The following DDX10 variants were observed in gnomAD, a reference collection of about 807,000 sequenced individuals.
DDX10 encodes probable ATP-dependent RNA helicase DDX10.
A neutral mutation model predicts 104.3 loss-of-function variants in DDX10; 74 were observed. That is an observed-to-expected ratio of 0.71 (90% CI 0.59 to 0.86). DDX10 has a LOEUF of 0.86. DDX10 is among the 40% of genes least tolerant of loss of function. DDX10 has a pLI of 0.00. For missense variants in DDX10, 952 were observed against 1,040.0 expected, an observed-to-expected ratio of 0.92 and a Z score of 1.16; for synonymous variants, 351 against 353.4, an observed-to-expected ratio of 0.99 and a Z score of 0.08.
intron 16 of DDX10, among the ~76,000 whole-genome samples, chr11:108,912,240 G>C (rs1863689906): frequency 6.6e-6 from 1 of 151,928 alleles, no homozygotes; most frequent in South Asian, 2.1e-4. Flanking sequence ...TTCTTTTAAG[G>C]GTGCTAATTC....
At chr11:108,764,530 A>G (rs987903433) in intron 13 of DDX10, among the ~76,000 whole-genome samples, 4 of 152,128 alleles carry the variant, frequency 2.6e-5, no homozygotes, top group African/African-American at 9.7e-5. Flanking sequence ...TTAGTTGAGT[A>G]TGGTGGCGGA....
chr11:108,774,559 T>A (rs1018079059), intron 13 of DDX10, among the ~76,000 whole-genome samples: 2 of 152,194 alleles, frequency 1.3e-5, no homozygotes, highest in Non-Finnish European at 2.9e-5. Context: ...ATTGTTTTTT[T>A]TTCCTTGCAA....
chr11:108,837,452 C>T (rs1026495723), intron 13 of DDX10, among the ~76,000 whole-genome samples: 3 of 152,158 alleles, frequency 2.0e-5, no homozygotes, highest in Middle Eastern at 6.8e-3. Context: ...CCTCTTCCAA[C>T]CCCCTATCTC....
intron 10 of DDX10, among the ~76,000 whole-genome samples, chr11:108,712,803 A>T (rs1450987744): frequency 3.3e-5 from 5 of 149,492 alleles, no homozygotes; most frequent in African/African-American, 1.0e-4. Context: ...TTTCTCACTT[A>T]CGTTTTTTTT....
chr11:108,795,518 G>A (rs564119482), intron 13 of DDX10, among the ~76,000 whole-genome samples: 1,265 of 104,164 alleles, frequency 0.012, 18 homozygotes, highest in African/African-American at 0.047. Flanking sequence ...CAGGCCCCAG[G>A]GTGTGATGTT....
intron 13 of DDX10, among the ~76,000 whole-genome samples, chr11:108,736,989 A>G (rs2094319228): frequency 6.6e-6 from 1 of 152,290 alleles, no homozygotes; most frequent in South Asian, 2.1e-4. Flanking sequence ...GTGTAGTAAG[A>G]TGAATGTCTT....
intron 2 of DDX10, 111 bp from the exon 3 acceptor site, chr11:108,675,485 A>G (rs2094223290): frequency 1.7e-6 from 2 of 1,155,340 alleles, no homozygotes; most frequent in Admixed American, 2.3e-5. Context: ...GTTCTGAGGT[A>G]CGAGGCATTA....
intron 1 of DDX10, among the ~76,000 whole-genome samples, chr11:108,671,797 C>T (rs551279451): frequency 2.0e-4 from 31 of 152,120 alleles, no homozygotes; most frequent in African/African-American, 5.8e-4. Flanking sequence ...AAGAATATGG[C>T]GCCTGTAATC....
intron 10 of DDX10, among the ~76,000 whole-genome samples, chr11:108,709,849 G>A (rs1417369633): frequency 1.3e-5 from 2 of 151,808 alleles, no homozygotes; most frequent in African/African-American, 2.4e-5. Flanking sequence ...TTCCCAAGTT[G>A]GAACTGTAGA....
At chr11:108,785,782 A>G (rs1303253237) in intron 13 of DDX10, among the ~76,000 whole-genome samples, 1 of 151,912 alleles carries the variant, frequency 6.6e-6, no homozygotes, top group African/African-American at 2.4e-5. Context: ...TATCTTTGTC[A>G]CTTCCGATTG....
At chr11:108,872,672 A>G (rs1313877231) in intron 16 of DDX10, among the ~76,000 whole-genome samples, 1 of 152,214 alleles carries the variant, frequency 6.6e-6, no homozygotes, top group Non-Finnish European at 1.5e-5. Context: ...TGTTTCTTTT[A>G]GAAGAGTTTG....
intron 13 of DDX10, among the ~76,000 whole-genome samples, chr11:108,759,239 T>C (rs574808355): frequency 5.3e-5 from 8 of 152,246 alleles, no homozygotes; most frequent in Admixed American, 5.2e-4. Flanking sequence ...CATAAAACTT[T>C]GCTTAAGTTT....
intron 17 of DDX10, among the ~76,000 whole-genome samples, chr11:108,936,895 G>T (rs1367510630): frequency 6.6e-6 from 1 of 152,156 alleles, no homozygotes; most frequent in Non-Finnish European, 1.5e-5. Flanking sequence ...GAAAGATTGT[G>T]CCCATTCACT....
chr11:108,855,545 C>T (rs369929281), intron 16 of DDX10, among the ~76,000 whole-genome samples: 59 of 152,260 alleles, frequency 3.9e-4, no homozygotes, highest in African/African-American at 1.3e-3. Flanking sequence ...CTGCAACCTC[C>T]GCCTCCCAGG....
rs569722614 is a variant in DDX10 at position 108,793,206 on chromosome 11, T to C, written c.1966-45240T>C. On this transcript the variant is annotated intron_variant, in intron 13 of 17. Coordinates refer to ENST00000322536, the MANE Select transcript of DDX10 (RefSeq NM_004398.4). ...TCTCAGGTGACACTCCACTGATATG[T>C]GCACAGAACCTGGGAGTGCAAAATG... 5.9e-5 allele frequency among the ~76,000 whole-genome samples: 9 copies of C among 152,290 alleles called. No homozygotes were observed. The East Asian group carries it at 1.7e-3, about 29-fold the overall frequency.
intron 16 of DDX10, among the ~76,000 whole-genome samples, chr11:108,872,030 G>T (rs1863089368): frequency 6.6e-6 from 1 of 152,174 alleles, no homozygotes; most frequent in Non-Finnish European, 1.5e-5. Context: ...ACAAATGATT[G>T]CATTGCTAGT....
chr11:108,924,332 A>T (rs1358361711), intron 17 of DDX10, among the ~76,000 whole-genome samples: 1 of 152,226 alleles, frequency 6.6e-6, no homozygotes, highest in Admixed American at 6.5e-5. Context: ...TTCGTAGATT[A>T]TTCTAGGTAG....
At chr11:108,904,807 AC>A (rs1863568302) in intron 16 of DDX10, among the ~76,000 whole-genome samples, 1 of 152,068 alleles carries the variant, frequency 6.6e-6, no homozygotes, top group South Asian at 2.1e-4. Flanking sequence ...ATATGAGCCT[AC>A]TAACTCCATG....
At chr11:108,867,977 G>C (rs1432105158) in intron 16 of DDX10, among the ~76,000 whole-genome samples, 1 of 152,050 alleles carries the variant, frequency 6.6e-6, no homozygotes, top group Admixed American at 6.5e-5. Flanking sequence ...CTGACTTAAA[G>C]ATCTCTTTCA....
Sources: allele counts gnomAD v4.1 joint callset (sites outside exome capture counted in the v4.1 genomes callset), GRCh38; gene constraint gnomAD v4.1.1; transcripts MANE v1.5; gene names NCBI Gene and HGNC (gene_info 2026-07-23, HGNC 2026-07-21).